UIMC1: variants seen among roughly 807,000 people sequenced by gnomAD.
UIMC1 encodes the protein BRCA1-A complex subunit RAP80.
UIMC1 carries 42 observed loss-of-function variants against 84.9 expected under a neutral mutation model. The ratio of observed to expected loss-of-function variants is 0.49; its 90% CI spans 0.39 to 0.64. The LOEUF is 0.64. Among genes scored for constraint, UIMC1 ranks in the 30% least tolerant of loss-of-function variants. The pLI is 0.00. For synonymous variants in UIMC1, 281 were observed against 293.0 expected (o/e 0.96, Z 0.42); for missense variants, 825 against 847.6 (o/e 0.97, Z 0.33).
chr5:176,943,513 C>T, intron 9 of UIMC1, 25 bp from the exon 10 acceptor site: 1 of 1,611,254 alleles, frequency 6.2e-7, no homozygotes, highest in Non-Finnish European at 8.5e-7. Flanking sequence ...AAACAGCAAT[C>T]ATAACAGCTT....
intron 1 of UIMC1, among the ~76,000 whole-genome samples, chr5:177,004,998 ATCC>A (rs1775059511): frequency 6.6e-6 from 1 of 152,038 alleles, no homozygotes; most frequent in Non-Finnish European, 1.5e-5. Flanking sequence ...AGGTCAAGCA[ATCC>A]TCCTACCTCA....
At chr5:176,930,486 A>C (rs917013331) in intron 10 of UIMC1, among the ~76,000 whole-genome samples, 1 of 152,170 alleles carries the variant, frequency 6.6e-6, no homozygotes, top group Non-Finnish European at 1.5e-5. Flanking sequence ...TTCCTCTTTT[A>C]TAAGTGAAAT....
intron 6 of UIMC1, among the ~76,000 whole-genome samples, chr5:176,968,179 C>T (rs1244558252): frequency 6.6e-6 from 1 of 152,100 alleles, no homozygotes; most frequent in Non-Finnish European, 1.5e-5. Context: ...CAAGACCAGC[C>T]TAGCCAACAG....
intron 9 of UIMC1, among the ~76,000 whole-genome samples, chr5:176,946,417 C>T (rs1765115623): frequency 6.6e-6 from 1 of 152,056 alleles, no homozygotes. Context: ...GAGGCTGAGG[C>T]AGGAGAATCA....
At chr5:176,976,367 C>G (rs1337425889) in intron 2 of UIMC1, among the ~76,000 whole-genome samples, 1 of 152,054 alleles carries the variant, frequency 6.6e-6, no homozygotes, top group Non-Finnish European at 1.5e-5. Flanking sequence ...AAAAGAATTT[C>G]TCTGAAGATG....
intron 1 of UIMC1, among the ~76,000 whole-genome samples, chr5:176,986,684 T>C (rs145945705): frequency 6.6e-6 from 1 of 151,626 alleles, no homozygotes; most frequent in East Asian, 1.9e-4. Flanking sequence ...CTACAAAAAA[T>C]TAAAAAATTA....
intron 9 of UIMC1, among the ~76,000 whole-genome samples, chr5:176,948,598 C>T (rs750693141): frequency 5.9e-5 from 9 of 152,206 alleles, no homozygotes; most frequent in Admixed American, 1.3e-4. Context: ...CTGTCTCCTC[C>T]CTTACCAGAA....
intron 6 of UIMC1, among the ~76,000 whole-genome samples, chr5:176,963,324 C>G (rs1767822979): frequency 6.6e-6 from 1 of 151,876 alleles, no homozygotes. Context: ...AGTTCAAGAC[C>G]AGACTGGCCA....
At chr5:176,906,781 TG>T (rs1345455209) in intron 13 of UIMC1, among the ~76,000 whole-genome samples, 1 of 152,256 alleles carries the variant, frequency 6.6e-6, no homozygotes, top group Non-Finnish European at 1.5e-5. Flanking sequence ...GAAGCAATAA[TG>T]TCTGCACATC....
At chr5:177,008,573 T>C (rs73804296), upstream of UIMC1, among the ~76,000 whole-genome samples, 3,892 of 152,112 alleles carry the variant, frequency 0.026, 104 homozygotes, top group Middle Eastern at 0.12. Context: ...AAGATCCTTT[T>C]AGGGCATCTT....
intron 1 of UIMC1, among the ~76,000 whole-genome samples, chr5:177,000,032 C>G (rs1284920500): frequency 6.6e-6 from 1 of 152,160 alleles, no homozygotes; most frequent in Non-Finnish European, 1.5e-5. Flanking sequence ...CATCTCAGCT[C>G]ACTGCAAGCT....
In UIMC1 at chr5:176,988,679, ATT is replaced by A. The variant is rs377752493; in HGVS notation, c.-8-6058_-8-6057del. On this transcript the variant is annotated intron_variant, in intron 1 of 14. Coordinates refer to ENST00000511320, the MANE Select transcript of UIMC1 (RefSeq NM_001199298.2). ...TGAAATGGTAGATTTTGTTAGGTGA[ATT>A]TTTTTTTTTTTTTTTTTTTTGGAGA... Among the ~76,000 whole-genome samples the A allele has an allele frequency of 6.6e-3, 889 of 135,700 alleles. 2 individuals are homozygous for A. Among genetic ancestry groups the A allele is most frequent in the Non-Finnish European group, 0.01 (630 of 62,480 alleles). The allele number at this position is 135,700 out of a possible 152,430, so 89.0% of individuals were successfully genotyped here.
chr5:176,988,033 A>C (rs772270564), intron 1 of UIMC1, among the ~76,000 whole-genome samples: 25 of 146,764 alleles, frequency 1.7e-4, no homozygotes, highest in Admixed American at 8.3e-4. Flanking sequence ...CTCAAGTGGG[A>C]GGATGGAGGA....
chr5:176,940,596 C>T (rs1349790456), intron 10 of UIMC1, among the ~76,000 whole-genome samples: 2 of 152,038 alleles, frequency 1.3e-5, no homozygotes, highest in African/African-American at 4.8e-5. Context: ...AACAATCAGA[C>T]TAAAGAGCTT....
At chr5:176,998,631 G>A (rs781608698) in intron 1 of UIMC1, among the ~76,000 whole-genome samples, 1 of 152,094 alleles carries the variant, frequency 6.6e-6, no homozygotes, top group Non-Finnish European at 1.5e-5. Flanking sequence ...GCCAGGCGTG[G>A]TGGTGCATGC....
chr5:176,930,040 A>G (rs916203258), intron 10 of UIMC1, among the ~76,000 whole-genome samples: 3 of 152,266 alleles, frequency 2.0e-5, no homozygotes, highest in African/African-American at 7.2e-5. Flanking sequence ...ACAGTGGTGC[A>G]TAACAGAAAC....
intron 11 of UIMC1, among the ~76,000 whole-genome samples, chr5:176,910,944 C>G (rs995177507): frequency 4.6e-5 from 7 of 151,974 alleles, no homozygotes; most frequent in Admixed American, 3.9e-4. Context: ...ACAAAATTAG[C>G]CGGGCGTGGT....
intron 10 of UIMC1, among the ~76,000 whole-genome samples, 155 bp from the exon 11 acceptor site, chr5:176,911,544 G>C (rs1222524197): frequency 6.6e-6 from 1 of 152,172 alleles, no homozygotes; most frequent in Non-Finnish European, 1.5e-5. Flanking sequence ...CTAGAATTGA[G>C]AATAGCGATT....
chr5:176,994,332 T>A (rs1308730151), intron 1 of UIMC1, among the ~76,000 whole-genome samples: 2 of 152,070 alleles, frequency 1.3e-5, no homozygotes, highest in East Asian at 3.8e-4. Context: ...TCATTATTCA[T>A]CAAGAAATTA....
Sources: allele counts gnomAD v4.1 joint callset (sites outside exome capture counted in the v4.1 genomes callset), GRCh38; gene constraint gnomAD v4.1.1; transcripts MANE v1.5; gene names NCBI Gene and HGNC (gene_info 2026-07-23, HGNC 2026-07-21).